Variants in ITPR1 observed in about 807,000 individuals in gnomAD.
ITPR1 encodes the protein inositol 1,4,5-trisphosphate receptor type 1, also known as inositol 1,4,5-trisphosphate-gated calcium channel ITPR1.
Under a neutral mutation model 318.4 loss-of-function variants are expected in ITPR1, and 96 were observed. That is an observed-to-expected ratio of 0.30 (90% CI 0.26 to 0.36). ITPR1 has a LOEUF of 0.36. Ranked by LOEUF, ITPR1 falls within the 10% of genes least tolerant of loss-of-function variation. ITPR1 has a pLI of 1.00. For synonymous variants in ITPR1, 1,312 were observed against 1,289.9 expected (o/e 1.02, Z -0.37); for missense variants, 2,440 against 3,460.2 (o/e 0.71, Z 7.40).
At chr3:4,738,694 G>A (rs2043467495) in intron 44 of ITPR1, among the ~76,000 whole-genome samples, 1 of 151,874 alleles carries the variant, frequency 6.6e-6, no homozygotes, top group African/African-American at 2.4e-5. Context: ...CACAGAAGCT[G>A]TTTTTCCTTC....
At chr3:4,813,071 A>T (rs886740151) in intron 56 of ITPR1, 71 bp from the exon 57 acceptor site, 1 of 1,069,530 alleles carries the variant, frequency 9.3e-7, no homozygotes, top group African/African-American at 1.6e-5. Flanking sequence ...TCAGCCGTGA[A>T]TTGGGGACTT....
chr3:4,575,481 G>T (rs1449130110), intron 4 of ITPR1, among the ~76,000 whole-genome samples: 3 of 152,194 alleles, frequency 2.0e-5, no homozygotes, highest in Non-Finnish European at 2.9e-5. Flanking sequence ...CCCTCAGGGA[G>T]TTTGTTGATG....
At chr3:4,706,808 C>CT (rs1389464951) in intron 37 of ITPR1, among the ~76,000 whole-genome samples, 1 of 152,124 alleles carries the variant, frequency 6.6e-6, no homozygotes, top group African/African-American at 2.4e-5. Flanking sequence ...GATTATTTAC[C>CT]TTTTTTCGTA....
chr3:4,730,216 T>TAAA (rs538473209), intron 42 of ITPR1, among the ~76,000 whole-genome samples: 11 of 116,934 alleles, frequency 9.4e-5, no homozygotes, highest in Non-Finnish European at 1.8e-4. Flanking sequence ...ATCTCATCTT[T>TAAA]AAAAAAAAAA....
intron 60 of ITPR1, among the ~76,000 whole-genome samples, 179 bp from the exon 61 acceptor site, chr3:4,836,595 A>G (rs1355522121): frequency 6.6e-6 from 1 of 152,154 alleles, no homozygotes; most frequent in Non-Finnish European, 1.5e-5. Flanking sequence ...ATTGTATGCA[A>G]TTAAAAAGAT....
chr3:4,688,453 T>C, intron 30 of ITPR1, 42 bp from the exon 31 acceptor site: 1 of 1,609,368 alleles, frequency 6.2e-7, no homozygotes, highest in Non-Finnish European at 8.5e-7. Flanking sequence ...GCTGGTCTCC[T>C]GGCCCAGCAA....
intron 4 of ITPR1, among the ~76,000 whole-genome samples, chr3:4,602,701 C>T (rs1006757715): frequency 6.6e-6 from 1 of 152,006 alleles, no homozygotes; most frequent in Non-Finnish European, 1.5e-5. Flanking sequence ...AGTGCCAGTA[C>T]CTGCTACAAC....
chr3:4,542,686 G>GT (rs2084575290), intron 4 of ITPR1, among the ~76,000 whole-genome samples: 2 of 125,186 alleles, frequency 1.6e-5, no homozygotes. Flanking sequence ...TGTGTGGCGG[G>GT]GGGGTGGGTC....
At position 4,675,088 on chromosome 3, in the gene ITPR1, T is replaced by C. The variant is rs1469094207; in HGVS notation, c.2619T>C (p.Asn873=). ...AATAGGTTGTAAATTTAGCTAGGAA[T>C]CTCATATACTTTGGTTTCTACAACT... ...LTFEVVNLAR[N]LIYFGFYNFS... The change falls in exon 23 of 62, where the codon AAT becomes AAC. Residue 873 remains asparagine, a synonymous_variant. Coordinates refer to ENST00000649015, the MANE Select transcript of ITPR1 (RefSeq NM_001378452.1). 1.3e-6 allele frequency: 2 copies of C among 1,574,788 alleles called. No homozygotes were observed. Among genetic ancestry groups the C allele is most frequent in the South Asian group, 2.2e-5 (2 of 89,438 alleles).
intron 11 of ITPR1, among the ~76,000 whole-genome samples, chr3:4,652,857 G>A (rs1307107405): frequency 3.3e-5 from 5 of 152,096 alleles, no homozygotes; most frequent in South Asian, 2.1e-4. Flanking sequence ...GTGTGGTGGT[G>A]CACGCCTGTA....
intron 4 of ITPR1, among the ~76,000 whole-genome samples, chr3:4,583,962 G>T (rs1013473660): frequency 6.6e-6 from 1 of 152,178 alleles, no homozygotes; most frequent in African/African-American, 2.4e-5. Flanking sequence ...CAAGGGCCTG[G>T]AATGGGCATG....
intron 54 of ITPR1, among the ~76,000 whole-genome samples, chr3:4,802,322 C>T (rs1184274575): frequency 2.0e-5 from 3 of 152,112 alleles, no homozygotes; most frequent in African/African-American, 7.2e-5. Context: ...TGGAAAGTGC[C>T]TGTGGTGTTT....
At chr3:4,612,341 C>CG (rs1238261233) in intron 4 of ITPR1, among the ~76,000 whole-genome samples, 1 of 151,916 alleles carries the variant, frequency 6.6e-6, no homozygotes, top group Non-Finnish European at 1.5e-5. Flanking sequence ...GGATTACAGG[C>CG]GTGAGCTGCC....
intron 30 of ITPR1, among the ~76,000 whole-genome samples, chr3:4,686,548 C>A (rs943599028): frequency 6.6e-6 from 1 of 152,176 alleles, no homozygotes; most frequent in Admixed American, 6.5e-5. Flanking sequence ...GTTATGCCTT[C>A]ATAGAGCAGG....
At chr3:4,818,552 G>T (rs2049457681) in intron 60 of ITPR1, among the ~76,000 whole-genome samples, 1 of 152,186 alleles carries the variant, frequency 6.6e-6, no homozygotes, top group Admixed American at 6.5e-5. Flanking sequence ...CCGATTTCCT[G>T]TCGCTATGTG....
chr3:4,597,935 G>T (rs1305473655), intron 4 of ITPR1, among the ~76,000 whole-genome samples: 1 of 152,168 alleles, frequency 6.6e-6, no homozygotes, highest in Non-Finnish European at 1.5e-5. Context: ...TGTACTAGGA[G>T]GCAGATAGTA....
chr3:4,750,116 A>G (rs916817710), intron 44 of ITPR1: 2 of 152,658 alleles, frequency 1.3e-5, no homozygotes, highest in Non-Finnish European at 2.9e-5. Flanking sequence ...AGAAAACCCA[A>G]GATGCCATTT....
chr3:4,595,297 A>C (rs2090714901), intron 4 of ITPR1, among the ~76,000 whole-genome samples: 2 of 152,308 alleles, frequency 1.3e-5, no homozygotes, highest in African/African-American at 2.4e-5. Flanking sequence ...GTGGAAGGCA[A>C]AGGGAGTGCA....
chr3:4,502,527 G>A (rs1315501265), intron 2 of ITPR1, among the ~76,000 whole-genome samples: 2 of 150,886 alleles, frequency 1.3e-5, no homozygotes, highest in East Asian at 2.0e-4. Flanking sequence ...TGCAACCTCC[G>A]CCTGCCAGGT....
Sources: allele counts gnomAD v4.1 joint callset (sites outside exome capture counted in the v4.1 genomes callset), GRCh38; gene constraint gnomAD v4.1.1; transcripts MANE v1.5; gene names NCBI Gene and HGNC (gene_info 2026-07-23, HGNC 2026-07-21).